SEPTIN9: variants seen among roughly 807,000 people sequenced by gnomAD.
The protein encoded by SEPTIN9 is septin-9.
A neutral mutation model predicts 56.6 loss-of-function variants in SEPTIN9; 13 were observed. That is an observed-to-expected ratio of 0.23 (90% CI 0.15 to 0.37). SEPTIN9 has a LOEUF of 0.37. Ranked by LOEUF, SEPTIN9 falls within the 10% of genes least tolerant of loss-of-function variation. The pLI is 1.00. For synonymous variants in SEPTIN9, 332 were observed against 334.1 expected (o/e 0.99, Z 0.07); for missense variants, 650 against 823.1 (o/e 0.79, Z 2.57).
At chr17:77,440,133 A>G (rs553801329) in intron 3 of SEPTIN9, among the ~76,000 whole-genome samples, 11 of 152,170 alleles carry the variant, frequency 7.2e-5, no homozygotes, top group African/African-American at 2.6e-4. Context: ...ATGGCATTTT[A>G]CCTTTTTCAT....
Position 77,317,213 on chromosome 17 carries a change from C to T in SEPTIN9, c.76+10016C>T, listed in dbSNP as rs71384159. On this transcript the variant is annotated intron_variant, in intron 2 of 11. Coordinates refer to ENST00000427177, the MANE Select transcript of SEPTIN9 (RefSeq NM_001113491.2). This position sits in a 1 kb window ranked among gnomAD's most constrained non-coding sequence, Gnocchi z 4.2. The stretch of plus-strand genomic sequence containing the variant: ...AACGCCCAGCCATCCTCTCACAGCT[C>T]TGCAGGCCACACATCCGAGATCAGG... Among the ~76,000 whole-genome samples, 3 of 152,182 alleles carry T rather than the reference C, an allele frequency of 2.0e-5. No homozygotes were observed. Among genetic ancestry groups the T allele is most frequent in the Non-Finnish European group, 4.4e-5 (3 of 68,026 alleles).
At chr17:77,383,238 C>G (rs955080552) in intron 2 of SEPTIN9, among the ~76,000 whole-genome samples, 6 of 151,110 alleles carry the variant, frequency 4.0e-5, no homozygotes, top group African/African-American at 1.5e-4. Context: ...CAGGCCCTTC[C>G]AGCTGTTCTC....
At chr17:77,349,323 G>A (rs994697926) in intron 2 of SEPTIN9, among the ~76,000 whole-genome samples, 1 of 152,080 alleles carries the variant, frequency 6.6e-6, no homozygotes, top group Admixed American at 6.6e-5. Flanking sequence ...CACCATGATG[G>A]CCAGGCTGGT....
chr17:77,426,492 T>C (rs2036917378), intron 3 of SEPTIN9, among the ~76,000 whole-genome samples: 1 of 152,102 alleles, frequency 6.6e-6, no homozygotes, highest in African/African-American at 2.4e-5. Flanking sequence ...TGGGGCGGCC[T>C]GTGAGACCCT....
chr17:77,288,152 G>A (rs1486952202), intron 1 of SEPTIN9: 2 of 1,061,680 alleles, frequency 1.9e-6, no homozygotes, highest in East Asian at 5.1e-5. Context: ...TTCAGAGAAG[G>A]GGTCCAGGCA....
At position 77,492,971 on chromosome 17, in the gene SEPTIN9, G is replaced by A. The variant is rs145143440; in HGVS notation, c.1477-9G>A. Reference sequence around the variant, plus strand: ...CATGTGTAACCAATACCGTCTGCCCGTTCCCCAGGAGATGATCCCATTTGC... The same window carrying A: ...CATGTGTAACCAATACCGTCTGCCCATTCCCCAGGAGATGATCCCATTTGC... On this transcript the variant is annotated splice_polypyrimidine_tract_variant and intron_variant, in intron 9 of 11. Coordinates refer to ENST00000427177, the MANE Select transcript of SEPTIN9 (RefSeq NM_001113491.2). This position sits in a 1 kb window ranked among gnomAD's most constrained non-coding sequence, Gnocchi z 5.4. The A allele has an allele frequency of 2.4e-4, 375 of 1,560,708 alleles. 1 individual carries two copies. In the African/African-American group the frequency reaches 4.1e-3, roughly 17 times the overall value.
At chr17:77,417,324 C>G (rs1200513168) in intron 3 of SEPTIN9, among the ~76,000 whole-genome samples, 1 of 152,148 alleles carries the variant, frequency 6.6e-6, no homozygotes, top group African/African-American at 2.4e-5. Flanking sequence ...AAGCTGTTGA[C>G]GAGTTGCACG....
Position 77,434,252 on chromosome 17 carries a change from C to A in SEPTIN9, c.721+31549C>A, listed in dbSNP as rs2037258572. Reference sequence around the variant, plus strand: ...GACTGGCTGGGGTTCTGGCTCCAGGCCCAGCCCCAGCCCCTGTCAGACTTA... The same window carrying A: ...GACTGGCTGGGGTTCTGGCTCCAGGACCAGCCCCAGCCCCTGTCAGACTTA... On this transcript the variant is annotated intron_variant, in intron 3 of 11. Coordinates refer to ENST00000427177, the MANE Select transcript of SEPTIN9 (RefSeq NM_001113491.2). The surrounding 1 kb of genome is among the most constrained non-coding windows in gnomAD (Gnocchi z 5.0). Among the ~76,000 whole-genome samples, 1 of 151,962 alleles carries A rather than the reference C, an allele frequency of 6.6e-6. No homozygotes were observed. Among genetic ancestry groups the A allele is most frequent in the Admixed American group, 6.5e-5 (1 of 15,274 alleles).
intron 2 of SEPTIN9, chr17:77,376,000 G>A (rs2034906531): frequency 1.6e-6 from 1 of 635,398 alleles, no homozygotes; most frequent in Admixed American, 6.3e-5. Context: ...GAGAGAGTGT[G>A]ATTCAGCCCA....
intron 2 of SEPTIN9, among the ~76,000 whole-genome samples, chr17:77,333,877 G>A (rs553823753): frequency 2.6e-5 from 4 of 151,820 alleles, no homozygotes; most frequent in Non-Finnish European, 2.9e-5. Flanking sequence ...CAAGATCCTT[G>A]TTGGTCATTT....
At chr17:77,290,391 G>A (rs1413443227) in intron 1 of SEPTIN9, among the ~76,000 whole-genome samples, 1 of 151,480 alleles carries the variant, frequency 6.6e-6, no homozygotes, top group African/African-American at 2.4e-5. Flanking sequence ...CCGCATAGCT[G>A]GGACTACAGG....
intron 3 of SEPTIN9, among the ~76,000 whole-genome samples, chr17:77,465,191 G>A (rs919963082): frequency 1.1e-4 from 16 of 152,310 alleles, no homozygotes; most frequent in Middle Eastern, 3.4e-3. Context: ...TTTCATGGCC[G>A]AATAATATTC....
chr17:77,428,499 G>A (rs184947340), intron 3 of SEPTIN9, among the ~76,000 whole-genome samples: 1 of 152,328 alleles, frequency 6.6e-6, no homozygotes, highest in Admixed American at 6.5e-5. Flanking sequence ...CAAACTGGGT[G>A]GGAGTACCAC....
chr17:77,480,062 G>A (rs183575470), intron 3 of SEPTIN9, among the ~76,000 whole-genome samples: 28 of 152,268 alleles, frequency 1.8e-4, no homozygotes, highest in African/African-American at 4.6e-4. Context: ...TCCAGGCTGC[G>A]TGGCCTGGGT....
rs1016602807 is a variant in SEPTIN9, at chr17:77,453,102, C to T, written c.722-29042C>T. Among the ~76,000 whole-genome samples, 4 of 152,104 alleles carry T rather than the reference C, an allele frequency of 2.6e-5. No homozygotes were observed. The highest frequency in any genetic ancestry group is 7.2e-5 in the African/African-American group (3 of 41,480). ...GCCACTTTGTGTTCCCACTAGCCCC[C>T]GCCCCTGTAGGCTGTCATTGTGATG... On this transcript the variant is annotated intron_variant, in intron 3 of 11. Coordinates refer to ENST00000427177, the MANE Select transcript of SEPTIN9 (RefSeq NM_001113491.2). This position sits in a 1 kb window ranked among gnomAD's most constrained non-coding sequence, Gnocchi z 4.4.
At chr17:77,426,581 C>T (rs1001974948) in intron 3 of SEPTIN9, among the ~76,000 whole-genome samples, 1 of 152,158 alleles carries the variant, frequency 6.6e-6, no homozygotes, top group Admixed American at 6.5e-5. Flanking sequence ...CATGAGGGCT[C>T]ATCCTCACGG....
chr17:77,498,511 C>A lies in SEPTIN9; in HGVS notation c.1626-12C>A. The A allele has an allele frequency of 9.7e-6, 5 of 515,966 alleles. 1 individual carries two copies. Among genetic ancestry groups the A allele is most frequent in the Non-Finnish European group, 1.8e-5 (5 of 275,542 alleles). 32.0% of individuals were successfully genotyped at this position (515,966 alleles called of 1,614,324 possible). On this transcript the variant is annotated splice_polypyrimidine_tract_variant and intron_variant, in intron 11 of 11. Transcript: ENST00000427177. ...CCCACCTCACTGACCCGCCCGCCCC[C>A]CACCCCCACAGGACGCACATGCAGA... is the stretch of plus-strand genomic sequence containing the variant.
In SEPTIN9 at chr17:77,373,601, C is replaced by G. The variant is rs377135446; in HGVS notation, c.77-28458C>G. Reference sequence around the variant, plus strand: ...GGCCGCGGACGTGCTGGAGAGGACCCTGCGGGTGGGCCTGGCGCGGGACGG... The same window carrying G: ...GGCCGCGGACGTGCTGGAGAGGACCGTGCGGGTGGGCCTGGCGCGGGACGG... On this transcript the variant is annotated intron_variant, in intron 2 of 11. Coordinates refer to ENST00000427177, the MANE Select transcript of SEPTIN9 (RefSeq NM_001113491.2). 1,734 of 1,532,062 alleles carry G rather than the reference C, an allele frequency of 1.1e-3. 21 individuals carry two copies. In the African/African-American group the frequency reaches 0.022, roughly 19 times the overall value. 94.9% of individuals were successfully genotyped at this position (1,532,062 alleles called of 1,614,324 possible).
At chr17:77,432,891 C>T (rs1408426264) in intron 3 of SEPTIN9, among the ~76,000 whole-genome samples, 1 of 152,344 alleles carries the variant, frequency 6.6e-6, no homozygotes, top group African/African-American at 2.4e-5. Context: ...ATGAGCGAGG[C>T]CCCCTGTGGT....
Sources: allele counts gnomAD v4.1 joint callset (sites outside exome capture counted in the v4.1 genomes callset), GRCh38; gene constraint gnomAD v4.1.1; non-coding constraint Gnocchi (gnomAD v3.1); transcripts MANE v1.5; gene names NCBI Gene and HGNC (gene_info 2026-07-23, HGNC 2026-07-21).